The following MEF2B variants were observed in gnomAD, a reference collection of about 807,000 sequenced individuals.
MEF2B encodes myocyte-specific enhancer factor 2B.
MEF2B carries 15 observed loss-of-function variants against 32.2 expected under a neutral mutation model. The observed-to-expected ratio is 0.47, with a 90% CI of 0.31 to 0.72. MEF2B has a LOEUF of 0.72. Among genes scored for constraint, MEF2B ranks in the 30% least tolerant of loss-of-function variants. MEF2B has a pLI of 0.05. For missense variants in MEF2B, 441 were observed against 511.5 expected, an observed-to-expected ratio of 0.86 and a Z score of 1.33; for synonymous variants, 205 against 225.6, an observed-to-expected ratio of 0.91 and a Z score of 0.82.
At chr19:19,151,089 C>CA (rs1269512730) in intron 1 of MEF2B, among the ~76,000 whole-genome samples, 1 of 151,932 alleles carries the variant, frequency 6.6e-6, no homozygotes, top group Non-Finnish European at 1.5e-5. Context: ...CCCGGCTCTA[C>CA]AAAAAATGCA....
At chr19:19,149,456 G>T in intron 2 of MEF2B, 27 bp from the exon 3 acceptor site, 1 of 1,613,536 alleles carries the variant, frequency 6.2e-7, no homozygotes, top group Non-Finnish European at 8.5e-7. Flanking sequence ...CAGGGGCAGG[G>T]GAGAGAAGAA....
intron 1 of MEF2B, among the ~76,000 whole-genome samples, chr19:19,158,411 C>CT (rs147372222): frequency 1 from 143,742 of 143,744 alleles, 71,870 homozygotes; most frequent in Non-Finnish European, 1. Context: ...TTCTAAAAAG[C>CT]TCCAGCCAGA....
chr19:19,165,124 T>A (rs2060196557), intron 1 of MEF2B, among the ~76,000 whole-genome samples: 1 of 151,646 alleles, frequency 6.6e-6, no homozygotes, highest in Non-Finnish European at 1.5e-5. Flanking sequence ...GCCCCTCAGG[T>A]GCTGGGGATG....
chr19:19,161,114 T>TG (rs1377526667), intron 1 of MEF2B, among the ~76,000 whole-genome samples: 1 of 151,922 alleles, frequency 6.6e-6, no homozygotes, highest in Non-Finnish European at 1.5e-5. Context: ...CTCGCTGAAC[T>TG]GGGGGGAGGG....
Position 19,152,387 on chromosome 19 carries a change from AAAAAAGAAAAAG to A in MEF2B, c.-29-1635_-29-1624del, listed in dbSNP as rs753482273. 1.6e-4 allele frequency among the ~76,000 whole-genome samples: 23 copies of A among 146,682 alleles called. 1 individual carries two copies. The highest frequency in any genetic ancestry group is 4.8e-4 in the Admixed American group (7 of 14,616). Reference sequence around the variant, plus strand: ...TAGAGCAAGACTCTGTCTCAAAAAAAAAAAAGAAAAAGAAAAAGAAAAAGAAAAAGAAATCTG... The same window carrying A: ...TAGAGCAAGACTCTGTCTCAAAAAAAAAAAAGAAAAAGAAAAAGAAATCTG... On this transcript the variant is annotated intron_variant, in intron 1 of 8. Coordinates refer to ENST00000424583, the MANE Select transcript of MEF2B (RefSeq NM_001145785.2).
rs774866350 is a variant in MEF2B at position 19,149,255 on chromosome 19, C to T, written c.229G>A (p.Glu77Lys). 1.2e-6 allele frequency: 2 copies of T among 1,613,816 alleles called. No individual in the cohort carries two copies. Among genetic ancestry groups the T allele is most frequent in the Non-Finnish European group, 1.7e-6 (2 of 1,179,972 alleles). ...LKYTEYSEPH[E>K]SRTNTDILET... Reference sequence around the variant, plus strand: ...AGGATGTCAGTGTTGGTGCGGCTCTCGTGGGGCTCGCTGTACTCTGTGTAC... The same window carrying T: ...AGGATGTCAGTGTTGGTGCGGCTCTTGTGGGGCTCGCTGTACTCTGTGTAC... Residue 77 changes from glutamate (E) to lysine (K), a missense_variant, in exon 3 of 9, where the codon GAG (glutamate) becomes AAG (lysine). By Grantham distance (56) the Glu-to-Lys change is moderately conservative. This residue lies in a region of MEF2B where 115 missense variants were observed against 183.1 expected (regional missense o/e 0.63). Coordinates refer to ENST00000424583, the MANE Select transcript of MEF2B (RefSeq NM_001145785.2).
intron 1 of MEF2B, among the ~76,000 whole-genome samples, chr19:19,153,704 G>A (rs570741348): frequency 3.3e-5 from 5 of 152,056 alleles, no homozygotes; most frequent in East Asian, 1.9e-4. Context: ...TGATCTGCCC[G>A]CCTTGGCCTC....
chr19:19,169,869 C>T (rs998693947), intron 1 of MEF2B, among the ~76,000 whole-genome samples: 2 of 152,120 alleles, frequency 1.3e-5, no homozygotes, highest in African/African-American at 4.8e-5. Flanking sequence ...CATCACATGC[C>T]ACATCACAGA....
At chr19:19,166,040 T>G (rs530857457) in intron 1 of MEF2B, among the ~76,000 whole-genome samples, 15 of 152,228 alleles carry the variant, frequency 9.9e-5, no homozygotes, top group South Asian at 6.2e-4. Flanking sequence ...CCGCCTCATT[T>G]ACATATAAGA....
At chr19:19,165,398 G>A (rs570705211) in intron 1 of MEF2B, among the ~76,000 whole-genome samples, 7 of 152,072 alleles carry the variant, frequency 4.6e-5, no homozygotes, top group Non-Finnish European at 8.8e-5. Context: ...AGCCGAGATC[G>A]CACCACTGCA....
intron 8 of MEF2B, 98 bp downstream of exon 8, chr19:19,146,175 G>T: frequency 1.2e-6 from 1 of 846,868 alleles, no homozygotes; most frequent in Non-Finnish European, 1.7e-6. Context: ...CTGCCCATCC[G>T]TACCGGAAGT....
chr19:19,160,594 C>T (rs1460051431), intron 1 of MEF2B, among the ~76,000 whole-genome samples: 1 of 134,166 alleles, frequency 7.5e-6, no homozygotes, highest in East Asian at 2.4e-4. Context: ...GGAACCCAGG[C>T]CGGGAAAGGA....
chr19:19,151,958 A>AT (rs201703145), intron 1 of MEF2B, among the ~76,000 whole-genome samples: 7,025 of 116,500 alleles, frequency 0.06, 315 homozygotes, highest in African/African-American at 0.088. Context: ...CCCCATCTCT[A>AT]TTTTTTTTTT....
In MEF2B at chr19:19,145,921, C is replaced by G. The variant is rs2146348480; in HGVS notation, c.983G>C (p.Gly328Ala). 6.9e-7 allele frequency: 1 copy of G among 1,439,954 alleles called. No individual in the cohort carries two copies. The allele number at this position is 1,439,954 out of a possible 1,614,324, so 89.2% of individuals were successfully genotyped here. ...GGTCTTAGGAAAGTCGCCGGGGCCC[C>G]CGGGGGCCGGAGAGAGGCGCTCAGA... ...IKSERLSPAP[G>A]GPGDFPKTFP... Residue 328 changes from glycine (G) to alanine (A), a missense_variant, in exon 9 of 9, where the codon GGG becomes GCG. By Grantham distance (60) the Gly-to-Ala change is moderately conservative. Around this residue, in one of 2 missense-constraint regions of MEF2B, gnomAD observed 326 missense variants for 328.4 expected, o/e 0.99. Coordinates refer to ENST00000424583, the MANE Select transcript of MEF2B (RefSeq NM_001145785.2). The surrounding 1 kb of genome is among the most constrained non-coding windows in gnomAD (Gnocchi z 4.6).
At position 19,147,241 on chromosome 19, in the gene MEF2B, C is replaced by T; in HGVS notation, c.394-58G>A. The T allele has an allele frequency of 2.9e-6, 2 of 695,566 alleles. 1 individual carries two copies. The highest frequency in any genetic ancestry group is 3.8e-6 in the Non-Finnish European group (2 of 519,740). 43.1% of individuals were successfully genotyped at this position (695,566 alleles called of 1,614,324 possible). ...CCAGGCCAGATGGGGGTGCCAAGTC[C>T]AAGGGAGAAAATCCTGATGAGTTCA... On this transcript the variant is annotated intron_variant, in intron 4 of 8. Transcript: ENST00000424583.
chr19:19,152,793 A>G (rs1166079666), intron 1 of MEF2B, among the ~76,000 whole-genome samples: 1 of 152,196 alleles, frequency 6.6e-6, no homozygotes, highest in Non-Finnish European at 1.5e-5. Flanking sequence ...AAGGCCCTCC[A>G]TTATCCCAGG....
chr19:19,149,855 G>T (rs531767032), intron 2 of MEF2B, among the ~76,000 whole-genome samples: 1 of 152,086 alleles, frequency 6.6e-6, no homozygotes, highest in Non-Finnish European at 1.5e-5. Context: ...CAGGCAGGAG[G>T]ATTGATTGAG....
At chr19:19,151,401 CAAG>C (rs1375474546) in intron 1 of MEF2B, among the ~76,000 whole-genome samples, 1 of 152,104 alleles carries the variant, frequency 6.6e-6, no homozygotes, top group Non-Finnish European at 1.5e-5. Context: ...GTACCCCACT[CAAG>C]GAGATGTGAG....
rs1373549940 is a variant in MEF2B, at chr19:19,145,972, G to A, written c.932C>T (p.Pro311Leu). ...CTTGATGCTGACTGGGGGGGTCGGC[G>A]GGGAGGCGCCGCGGGTTGGGGGACC... ...EEGPPTRGAS[P>L]PTPPVSIKSE... Residue 311 changes from proline (P) to leucine (L), a missense_variant, in exon 9 of 9, where the codon CCG becomes CTG. Physicochemically the swap from Pro to Leu is moderately conservative, Grantham distance 98 (BLOSUM62 -3). Transcript: ENST00000424583. This position sits in a 1 kb window ranked among gnomAD's most constrained non-coding sequence, Gnocchi z 4.6. The A allele has an allele frequency of 6.9e-7, 1 of 1,439,368 alleles. No homozygotes were observed. Among genetic ancestry groups the A allele is most frequent in the Non-Finnish European group, 9.1e-7 (1 of 1,099,156 alleles). 89.2% of individuals were successfully genotyped at this position (1,439,368 alleles called of 1,614,324 possible). A position where few individuals can be genotyped will look rare whatever the true frequency, so the allele number is the denominator to read the frequency against.
Sources: gnomAD v4.1 joint callset for allele counts (sites outside exome capture counted in the v4.1 genomes callset) on GRCh38, gnomAD v4.1.1 for gene constraint, gnomAD v4.1.1 regional missense constraint, Gnocchi (gnomAD v3.1) non-coding constraint, MANE v1.5 for transcripts, NCBI Gene and HGNC (gene_info 2026-07-23, HGNC 2026-07-21) for gene names.